HS6ST2: variants seen among roughly 807,000 people sequenced by gnomAD.
HS6ST2 encodes the protein heparan-sulfate 6-O-sulfotransferase 2.
Under a neutral mutation model 33.0 loss-of-function variants are expected in HS6ST2, and 17 were observed. The observed-to-expected ratio is 0.52, with a 90% CI of 0.35 to 0.77. HS6ST2 has a LOEUF of 0.77. HS6ST2 is among the 30% of genes least tolerant of loss of function. The pLI is 0.01. For synonymous variants in HS6ST2, 248 were observed against 237.1 expected (o/e 1.05, Z -0.42); for missense variants, 519 against 551.7 (o/e 0.94, Z 0.59).
chrX:132,638,949 CCT>C (rs2063581102), intron 4 of HS6ST2, among the ~76,000 whole-genome samples: 1 of 112,398 alleles, frequency 8.9e-6, no homozygotes, highest in Non-Finnish European at 1.9e-5. Context: ...TGATTCTTTT[CCT>C]CTGATTAACT....
chrX:132,808,529 T>C (rs2065307966), intron 2 of HS6ST2, among the ~76,000 whole-genome samples: 1 of 111,556 alleles, frequency 9.0e-6, no homozygotes, highest in African/African-American at 3.3e-5. Context: ...TCAAAGACAA[T>C]GGGGAAAGAA....
In HS6ST2 at chrX:132,925,676, C is replaced by T. The variant is rs188020960; in HGVS notation, c.947+31132G>A. Among the ~76,000 whole-genome samples, 660 of 111,490 alleles carry T rather than the reference C, an allele frequency of 5.9e-3. 4 individuals are homozygous for T. The highest frequency in any genetic ancestry group is 0.021 in the African/African-American group (632 of 30,678). On this transcript the variant is annotated intron_variant, in intron 2 of 4. Transcript: ENST00000370833. Reference sequence around the variant, plus strand: ...TTGTTTACAGCCACCTAATGATATTCTTTATTATTAGGTGGGCATGAATTA... The same window carrying T: ...TTGTTTACAGCCACCTAATGATATTTTTTATTATTAGGTGGGCATGAATTA...
chrX:132,637,924 A>T (rs1169272527), intron 4 of HS6ST2, among the ~76,000 whole-genome samples: 1 of 60,501 alleles, frequency 1.7e-5, no homozygotes, highest in East Asian at 4.8e-4. Flanking sequence ...TATTTTATAT[A>T]TATATTATAT....
chrX:132,800,632 C>T (rs2065225566), intron 2 of HS6ST2, among the ~76,000 whole-genome samples: 1 of 110,460 alleles, frequency 9.1e-6, no homozygotes. Flanking sequence ...CTGCCTAAGC[C>T]CCAGAGCCTA....
intron 2 of HS6ST2, among the ~76,000 whole-genome samples, chrX:132,753,924 C>G (rs2064733208): frequency 1.8e-5 from 2 of 112,447 alleles, no homozygotes; most frequent in Admixed American, 1.9e-4. Flanking sequence ...CCATAAGCCC[C>G]ACACCCAGTT....
At chrX:132,828,182 T>C (rs1048887928) in intron 2 of HS6ST2, among the ~76,000 whole-genome samples, 6 of 110,937 alleles carry the variant, frequency 5.4e-5, no homozygotes, top group Admixed American at 9.6e-5. Context: ...CCAGGAGCAT[T>C]TGGGGGTGGG....
At chrX:132,951,420 C>T (rs970828463) in intron 2 of HS6ST2, among the ~76,000 whole-genome samples, 3 of 111,289 alleles carry the variant, frequency 2.7e-5, no homozygotes, top group African/African-American at 6.5e-5. Flanking sequence ...ACAATGCCTC[C>T]TTTCTTCTTA....
intron 2 of HS6ST2, among the ~76,000 whole-genome samples, chrX:132,757,956 A>T (rs2064773278): frequency 8.9e-6 from 1 of 111,932 alleles, no homozygotes; most frequent in Admixed American, 9.5e-5. Flanking sequence ...GGAGACACTA[A>T]ATCTCCTACC....
At chrX:132,721,914 C>T (rs1359977857) in intron 2 of HS6ST2, among the ~76,000 whole-genome samples, 3 of 111,302 alleles carry the variant, frequency 2.7e-5, no homozygotes, top group East Asian at 2.8e-4. Context: ...AACGGCCGGG[C>T]GCGGTGGCTC....
At position 132,944,348 on chromosome X, in the gene HS6ST2, A is replaced by G. The variant is rs1398978599; in HGVS notation, c.947+12460T>C. On this transcript the variant is annotated intron_variant, in intron 2 of 4. Coordinates refer to ENST00000370833, the MANE Select transcript of HS6ST2 (RefSeq NM_001394073.1). ...GAACTACAAACCACTGCTCGATGAA[A>G]CAAGAGGACACAAACAAATGGAAGA... is the stretch of plus-strand genomic sequence containing the variant. Among the ~76,000 whole-genome samples, 3 of 111,687 alleles carry G rather than the reference A, an allele frequency of 2.7e-5. 1 individual carries two copies. Among genetic ancestry groups the G allele is most frequent in the South Asian group, 3.8e-4 (1 of 2,650 alleles).
chrX:132,921,218 A>G (rs1022835365), intron 2 of HS6ST2, among the ~76,000 whole-genome samples: 4 of 112,213 alleles, frequency 3.6e-5, no homozygotes, highest in African/African-American at 9.7e-5. Context: ...GACCTTTACT[A>G]CTTAAGGTGT....
intron 2 of HS6ST2, among the ~76,000 whole-genome samples, chrX:132,955,076 T>C (rs1175432188): frequency 1.8e-5 from 2 of 112,559 alleles, no homozygotes; most frequent in Non-Finnish European, 3.7e-5. Context: ...ACTTCTCTGC[T>C]ATAGTCATGG....
chrX:132,882,832 T>C (rs2066194032), intron 2 of HS6ST2, among the ~76,000 whole-genome samples: 1 of 111,683 alleles, frequency 9.0e-6, no homozygotes, highest in African/African-American at 3.3e-5. Context: ...GTTTTTAGCA[T>C]GAAGGGCTGT....
At chrX:132,754,527 C>T (rs1347445690) in intron 2 of HS6ST2, among the ~76,000 whole-genome samples, 1 of 109,109 alleles carries the variant, frequency 9.2e-6, no homozygotes, top group East Asian at 2.9e-4. Flanking sequence ...CGCCATTCTC[C>T]TGCCTCAGCC....
chrX:132,856,060 G>A (rs2065850019), intron 2 of HS6ST2, among the ~76,000 whole-genome samples: 1 of 111,432 alleles, frequency 9.0e-6, no homozygotes, highest in South Asian at 3.8e-4. Flanking sequence ...AACCTGAATT[G>A]TAACAGTATG....
At chrX:132,787,188 C>CAT (rs869155437) in intron 2 of HS6ST2, among the ~76,000 whole-genome samples, 8 of 69,904 alleles carry the variant, frequency 1.1e-4, no homozygotes, top group South Asian at 6.9e-4. Context: ...TATATATATA[C>CAT]ATATATATAT....
intron 2 of HS6ST2, among the ~76,000 whole-genome samples, chrX:132,904,887 A>C (rs1443753848): frequency 9.1e-6 from 1 of 110,365 alleles, no homozygotes; most frequent in Non-Finnish European, 1.9e-5. Flanking sequence ...GTAAAACTCC[A>C]TCCCCACAGT....
chrX:132,773,035 AT>A (rs2064922525), intron 2 of HS6ST2, among the ~76,000 whole-genome samples: 1 of 91,081 alleles, frequency 1.1e-5, no homozygotes, highest in Non-Finnish European at 2.0e-5. Flanking sequence ...GATTATATAT[AT>A]GTTTATATAT....
In HS6ST2 at chrX:132,628,110, T is replaced by A. The variant is rs192807034; in HGVS notation, c.*113A>T. ...TAAAGGCAACATCTAAACTTTTTTT[T>A]AAAACTTCCCCAATGAAGGAAGCAG... On this transcript the variant is annotated 3_prime_UTR_variant, in exon 5 of 5. Transcript: ENST00000370833. 139 of 584,861 alleles carry A rather than the reference T, an allele frequency of 2.4e-4. 1 individual carries two copies. In the African/African-American group the frequency reaches 2.7e-3, roughly 11 times the overall value. 48.2% of individuals were successfully genotyped at this position (584,861 alleles called of 1,213,427 possible).
Sources: gnomAD v4.1 joint callset for allele counts (sites outside exome capture counted in the v4.1 genomes callset) on GRCh38, gnomAD v4.1.1 for gene constraint, MANE v1.5 for transcripts, NCBI Gene and HGNC (gene_info 2026-07-23, HGNC 2026-07-21) for gene names.